The following ARPP21 variants were observed in gnomAD, a reference collection of about 807,000 sequenced individuals.
ARPP21 encodes cAMP-regulated phosphoprotein 21.
A neutral mutation model predicts 113.2 loss-of-function variants in ARPP21; 69 were observed. The ratio of observed to expected loss-of-function variants is 0.61; its 90% CI spans 0.50 to 0.74. The LOEUF is 0.74. Ranked by LOEUF, ARPP21 falls within the 30% of genes least tolerant of loss-of-function variation. ARPP21 has a pLI of 0.00. For synonymous variants in ARPP21, 368 were observed against 375.5 expected (o/e 0.98, Z 0.23); for missense variants, 1,070 against 1,037.4 (o/e 1.03, Z -0.43).
At chr3:35,750,297 A>G (rs2095357157) in intron 19 of ARPP21, among the ~76,000 whole-genome samples, 1 of 151,224 alleles carries the variant, frequency 6.6e-6, no homozygotes, top group African/African-American at 2.4e-5. Context: ...TATATTTTTA[A>G]ATTTTCTCTG....
intron 15 of ARPP21, among the ~76,000 whole-genome samples, chr3:35,733,554 T>C (rs1351039328): frequency 6.6e-6 from 1 of 152,234 alleles, no homozygotes; most frequent in Non-Finnish European, 1.5e-5. Context: ...TTTTCCTCTT[T>C]AGTCTTCGGC....
At chr3:35,789,597 C>G (rs769581558) in intron 19 of ARPP21, among the ~76,000 whole-genome samples, 7 of 152,086 alleles carry the variant, frequency 4.6e-5, no homozygotes, top group Non-Finnish European at 1.0e-4. Flanking sequence ...CAGTGTAAAG[C>G]TCGTAGCCCA....
chr3:35,696,839 A>G (rs1354080296), intron 9 of ARPP21, among the ~76,000 whole-genome samples: 1 of 151,576 alleles, frequency 6.6e-6, no homozygotes, highest in Non-Finnish European at 1.5e-5. Flanking sequence ...CTTTCTATAT[A>G]AGAAATTTTG....
Position 35,681,841 on chromosome 3 carries a change from A to G in ARPP21, c.90A>G (p.Lys30=). The G allele has an allele frequency of 6.2e-7, 1 of 1,612,248 alleles. No individual in the cohort carries two copies. Among genetic ancestry groups the G allele is most frequent in the Non-Finnish European group, 8.5e-7 (1 of 1,178,838 alleles). ...CCACTCCAGAGAACGGCATTGTTAA[A>G]TCAGAAAGTCTGGATGAAGAGGAGA... ...ETATPENGIV[K]SESLDEEEKL... Residue 30 remains lysine (K), a synonymous_variant, in exon 3 of 21, where the codon AAA becomes AAG. Transcript: ENST00000684406.
chr3:35,682,895 G>C lies in ARPP21; in HGVS notation c.171+6G>C. The C allele has an allele frequency of 6.2e-7, 1 of 1,606,970 alleles. No homozygotes were observed. The highest frequency in any genetic ancestry group is 8.5e-7 in the Non-Finnish European group (1 of 1,175,692). On this transcript the variant is annotated splice_donor_region_variant and intron_variant, in intron 4 of 20. Transcript: ENST00000684406. ...AAGAAAGAAGAAAATCCAAGGTAGG[G>C]TTCTTAACATTCTAGGTAGACCTGA...
intron 19 of ARPP21, among the ~76,000 whole-genome samples, chr3:35,788,841 A>G (rs1440583168): frequency 6.6e-6 from 1 of 152,206 alleles, no homozygotes; most frequent in South Asian, 2.1e-4. Context: ...ATTTTAGTAG[A>G]AAACCTATTC....
At chr3:35,719,908 G>T (rs1245352255) in intron 13 of ARPP21, among the ~76,000 whole-genome samples, 1 of 152,202 alleles carries the variant, frequency 6.6e-6, no homozygotes, top group African/African-American at 2.4e-5. Flanking sequence ...TATGGGAGAA[G>T]AATGAAGTTG....
intron 19 of ARPP21, among the ~76,000 whole-genome samples, chr3:35,774,482 C>G (rs1245704537): frequency 1.3e-5 from 2 of 152,128 alleles, no homozygotes; most frequent in African/African-American, 4.8e-5. Flanking sequence ...TTTGTGAATT[C>G]TTCAAGCTCT....
chr3:35,684,143 T>C, intron 5 of ARPP21: 2 of 1,445,776 alleles, frequency 1.4e-6, no homozygotes, highest in South Asian at 3.1e-5. Context: ...CTGAACCAAA[T>C]ATAATCCCAA....
chr3:35,716,862 A>G (rs2092473854), intron 12 of ARPP21, among the ~76,000 whole-genome samples: 1 of 151,990 alleles, frequency 6.6e-6, no homozygotes, highest in South Asian at 2.1e-4. Flanking sequence ...ACAGGTCTTG[A>G]TGGTCCTGGA....
intron 15 of ARPP21, among the ~76,000 whole-genome samples, chr3:35,733,247 T>G (rs1483843084): frequency 6.6e-6 from 1 of 152,076 alleles, no homozygotes; most frequent in Non-Finnish European, 1.5e-5. Context: ...TTAGGCACTG[T>G]GCAGGTGCTC....
chr3:35,686,852 A>C (rs980342964), intron 5 of ARPP21, among the ~76,000 whole-genome samples: 1 of 151,574 alleles, frequency 6.6e-6, no homozygotes, highest in Non-Finnish European at 1.5e-5. Flanking sequence ...AACAGTGAAC[A>C]TACTATCAAT....
At chr3:35,696,460 A>G (rs1482333419) in intron 9 of ARPP21, among the ~76,000 whole-genome samples, 3 of 151,600 alleles carry the variant, frequency 2.0e-5, no homozygotes, top group South Asian at 2.1e-4. Context: ...TGGTCTACAA[A>G]TTGGGTCTTA....
At chr3:35,694,814 C>G (rs917781219) in intron 9 of ARPP21, among the ~76,000 whole-genome samples, 36 of 150,516 alleles carry the variant, frequency 2.4e-4, no homozygotes, top group African/African-American at 8.8e-4. Flanking sequence ...AACAGAGCCT[C>G]CCTACAACTT....
chr3:35,648,015 C>T (rs1044937468), intron 1 of ARPP21, among the ~76,000 whole-genome samples: 4 of 152,078 alleles, frequency 2.6e-5, no homozygotes, highest in African/African-American at 4.8e-5. Context: ...TCCCCACCTC[C>T]ATTTAAGAAA....
chr3:35,648,783 T>G (rs934739425), intron 1 of ARPP21, among the ~76,000 whole-genome samples: 2 of 152,186 alleles, frequency 1.3e-5, no homozygotes, highest in Non-Finnish European at 2.9e-5. Flanking sequence ...ATCAGATAAT[T>G]GCATTTTATT....
chr3:35,710,880 T>C (rs1309216433), intron 11 of ARPP21, among the ~76,000 whole-genome samples: 1 of 152,210 alleles, frequency 6.6e-6, no homozygotes, highest in African/African-American at 2.4e-5. Flanking sequence ...CTTACAACCT[T>C]GTTAACGAGA....
At chr3:35,708,712 C>T (rs17033703) in intron 10 of ARPP21, among the ~76,000 whole-genome samples, 2,899 of 152,308 alleles carry the variant, frequency 0.019, 98 homozygotes, top group South Asian at 0.12. Flanking sequence ...GTGAGGTGCA[C>T]TCGTTTTGGA....
intron 1 of ARPP21, chr3:35,643,484 G>A (rs1366315138): frequency 6.6e-6 from 1 of 152,036 alleles, no homozygotes; most frequent in African/African-American, 2.4e-5. Context: ...ATGCCTTTTG[G>A]ACCACAATGC....
Sources: gnomAD v4.1 joint callset for allele counts (sites outside exome capture counted in the v4.1 genomes callset) on GRCh38, gnomAD v4.1.1 for gene constraint, MANE v1.5 for transcripts, NCBI Gene and HGNC (gene_info 2026-07-23, HGNC 2026-07-21) for gene names.